The following HDGFL3 variants were observed in gnomAD, a reference collection of about 807,000 sequenced individuals.
HDGFL3 encodes HDGF like 3, also known as hepatoma-derived growth factor-related protein 3.
A neutral mutation model predicts 27.6 loss-of-function variants in HDGFL3; 6 were observed. That is an observed-to-expected ratio of 0.22 (90% CI 0.12 to 0.43). The LOEUF (loss-of-function observed/expected upper bound fraction) is 0.43. Among genes scored for constraint, HDGFL3 ranks in the 20% least tolerant of loss-of-function variants. The probability of loss-of-function intolerance (pLI) is 1.00; values close to 1 mark genes in which losing one functional copy is unlikely to be tolerated. For synonymous variants in HDGFL3, 88 were observed against 88.9 expected (o/e 0.99, Z 0.05); for missense variants, 207 against 250.1 (o/e 0.83, Z 1.16).
rs2036558029 is a variant in HDGFL3, at chr15:83,135,674, GT to G, written c.*3595del. 1.3e-5 allele frequency: 2 copies of G among 152,196 alleles called. No homozygotes were observed. The highest frequency in any genetic ancestry group is 1.3e-4 in the Admixed American group (2 of 15,270). 9.4% of individuals were successfully genotyped at this position (152,196 alleles called of 1,614,324 possible). On this transcript the variant is annotated 3_prime_UTR_variant, in exon 6 of 6. Coordinates refer to ENST00000299633, the MANE Select transcript of HDGFL3 (RefSeq NM_016073.4). Reference sequence around the variant, plus strand: ...AAAGACCAATTGGCACATTCTGAATGTGTTTTCTGAATAAGTATATAAGTAG... The same window carrying G: ...AAAGACCAATTGGCACATTCTGAATGGTTTTCTGAATAAGTATATAAGTAG...
rs562999089 is a variant in HDGFL3, at chr15:83,185,423, G to C, written c.85-21348C>G. 2.6e-5 allele frequency among the ~76,000 whole-genome samples: 4 copies of C among 152,290 alleles called. 1 individual carries two copies. Among genetic ancestry groups the C allele is most frequent in the Admixed American group, 2.0e-4 (3 of 15,306 alleles). ...AGAGCACAGAACTTTCTGGTTAGTT[G>C]GTCTGATGGCACAGTGAAATGGGTG... On this transcript the variant is annotated intron_variant, in intron 1 of 5. Transcript: ENST00000299633.
chr15:83,192,230 C>T (rs758409778), intron 1 of HDGFL3: 2 of 449,794 alleles, frequency 4.4e-6, no homozygotes, highest in South Asian at 3.2e-5. Flanking sequence ...GCATGAGCCA[C>T]AGTGCCTGAC....
At chr15:83,198,850 C>T (rs933857061) in intron 1 of HDGFL3, among the ~76,000 whole-genome samples, 2 of 152,282 alleles carry the variant, frequency 1.3e-5, no homozygotes, top group South Asian at 2.1e-4. Flanking sequence ...AAACACCTCT[C>T]GCTAGAACCC....
chr15:83,189,766 A>T (rs2037489153), intron 1 of HDGFL3, among the ~76,000 whole-genome samples: 1 of 152,224 alleles, frequency 6.6e-6, no homozygotes, highest in Non-Finnish European at 1.5e-5. Context: ...TTTTTTTAAA[A>T]TAATGGGTAA....
chr15:83,163,832 C>T, intron 2 of HDGFL3, 167 bp downstream of exon 2: 1 of 576,418 alleles, frequency 1.7e-6, no homozygotes, highest in Non-Finnish European at 3.1e-6. Context: ...ATAAAGACTT[C>T]TATCATGAAA....
intron 1 of HDGFL3, among the ~76,000 whole-genome samples, chr15:83,196,970 G>A (rs2037577502): frequency 6.6e-6 from 1 of 152,118 alleles, no homozygotes. Context: ...GCTGACCTAG[G>A]GCATGCCCAC....
intron 1 of HDGFL3, among the ~76,000 whole-genome samples, chr15:83,173,272 A>C (rs551859902): frequency 1.6e-4 from 25 of 152,348 alleles, no homozygotes; most frequent in Admixed American, 5.9e-4. Context: ...CTTTCAGCAC[A>C]GAATTATTCA....
At chr15:83,175,673 C>T (rs758113528) in intron 1 of HDGFL3, among the ~76,000 whole-genome samples, 10 of 152,142 alleles carry the variant, frequency 6.6e-5, no homozygotes, top group Non-Finnish European at 1.0e-4. Flanking sequence ...TCCTGGCTAA[C>T]ACGGTGAAAC....
chr15:83,174,559 T>C (rs991022161), intron 1 of HDGFL3, among the ~76,000 whole-genome samples: 4 of 151,248 alleles, frequency 2.6e-5, no homozygotes, highest in African/African-American at 9.7e-5. Context: ...AAACACGACA[T>C]AAAATGTATC....
intron 1 of HDGFL3, among the ~76,000 whole-genome samples, chr15:83,197,700 C>T (rs558099988): frequency 2.0e-5 from 3 of 152,226 alleles, no homozygotes; most frequent in East Asian, 1.9e-4. Flanking sequence ...TCATCAGCCA[C>T]GGAACACTAG....
chr15:83,176,202 T>C (rs2037307581), intron 1 of HDGFL3, among the ~76,000 whole-genome samples: 2 of 152,226 alleles, frequency 1.3e-5, no homozygotes, highest in Admixed American at 6.5e-5. Context: ...AATGTGTGAC[T>C]GTACTTGAGA....
intron 3 of HDGFL3, among the ~76,000 whole-genome samples, chr15:83,118,398 A>G (rs1331523421): frequency 2.0e-5 from 3 of 152,208 alleles, no homozygotes; most frequent in Non-Finnish European, 4.4e-5. Flanking sequence ...TCATCAAGCT[A>G]CCAGGAGAGG....
Position 83,145,897 on chromosome 15 carries a change from C to CTTT in HDGFL3, c.606+5315_606+5317dup, listed in dbSNP as rs3082058. Among the ~76,000 whole-genome samples, 107 of 49,476 alleles carry CTTT rather than the reference C, an allele frequency of 2.2e-3. 13 individuals are homozygous for CTTT. The highest frequency in any genetic ancestry group is 3.1e-3 in the Non-Finnish European group (91 of 29,348). 32.5% of individuals were successfully genotyped at this position (49,476 alleles called of 152,430 possible). A position where few individuals can be genotyped will look rare whatever the true frequency, so the allele number is the denominator to read the frequency against. On this transcript the variant is annotated intron_variant, in intron 5 of 5. Transcript: ENST00000299633. Reference sequence around the variant, plus strand: ...TTCTCTCTCTCTCCCTTTCTTCTTCCTTTTTTTTTTTTTTTTTTTTTTTTT... The same window carrying CTTT: ...TTCTCTCTCTCTCCCTTTCTTCTTCCTTTTTTTTTTTTTTTTTTTTTTTTTTTT...
At chr15:83,152,951 A>G (rs1596549551) in intron 4 of HDGFL3, among the ~76,000 whole-genome samples, 2 of 149,316 alleles carry the variant, frequency 1.3e-5, no homozygotes, top group African/African-American at 4.9e-5. Context: ...CAACTGCTTT[A>G]TATAGTGATT....
intron 4 of HDGFL3, among the ~76,000 whole-genome samples, chr15:83,152,281 C>T (rs2036973089): frequency 6.6e-6 from 1 of 152,208 alleles, no homozygotes; most frequent in Non-Finnish European, 1.5e-5. Context: ...ATAGGCCAGG[C>T]ATGGTGGCTC....
At chr15:83,197,769 A>G (rs1363439381) in intron 1 of HDGFL3, among the ~76,000 whole-genome samples, 1 of 152,108 alleles carries the variant, frequency 6.6e-6, no homozygotes, top group African/African-American at 2.4e-5. Context: ...TACTACCTTT[A>G]AGAAGTCAAT....
At chr15:83,145,862 T>C (rs2036878937) in intron 5 of HDGFL3, among the ~76,000 whole-genome samples, 2 of 143,738 alleles carry the variant, frequency 1.4e-5, no homozygotes, top group African/African-American at 5.2e-5. Flanking sequence ...TTGTTCTTTC[T>C]TTTTTTTTTT....
At chr15:83,198,552 T>C (rs968645372) in intron 1 of HDGFL3, among the ~76,000 whole-genome samples, 2 of 152,216 alleles carry the variant, frequency 1.3e-5, no homozygotes, top group Non-Finnish European at 2.9e-5. Flanking sequence ...ACAGAATAAA[T>C]GAGGCTGGGT....
intron 1 of HDGFL3, among the ~76,000 whole-genome samples, chr15:83,200,856 CTTTTTTTT>C (rs200038603): frequency 2.5e-5 from 3 of 120,178 alleles, no homozygotes; most frequent in East Asian, 2.4e-4. Flanking sequence ...TTACTTTATT[CTTTTTTTT>C]TTTTTTTTTT....
Sources: gnomAD v4.1 joint callset for allele counts (sites outside exome capture counted in the v4.1 genomes callset) on GRCh38, gnomAD v4.1.1 for gene constraint, MANE v1.5 for transcripts, NCBI Gene and HGNC (gene_info 2026-07-23, HGNC 2026-07-21) for gene names.